ADCYAP1R1: variants seen among roughly 807,000 people sequenced by gnomAD.
ADCYAP1R1 encodes the protein ADCYAP receptor type I, also known as pituitary adenylate cyclase-activating polypeptide type I receptor.
A neutral mutation model predicts 67.6 loss-of-function variants in ADCYAP1R1; 44 were observed. That is an observed-to-expected ratio of 0.65 (90% CI 0.51 to 0.84). The LOEUF (loss-of-function observed/expected upper bound fraction) is 0.84, where lower values mean the gene tolerates loss of function less well. Among genes scored for constraint, ADCYAP1R1 ranks in the 40% least tolerant of loss-of-function variants. ADCYAP1R1 has a pLI of 0.00. For synonymous variants in ADCYAP1R1, 222 were observed against 219.6 expected, an observed-to-expected ratio of 1.01 and a Z score of -0.10; for missense variants, 477 against 587.9, an observed-to-expected ratio of 0.81 and a Z score of 1.95.
At chr7:31,092,378 C>T (rs118170544) in intron 12 of ADCYAP1R1, among the ~76,000 whole-genome samples, 1 of 151,984 alleles carries the variant, frequency 6.6e-6, no homozygotes, top group African/African-American at 2.4e-5. Flanking sequence ...TTCTCTTTCT[C>T]TTTTAGAAAT....
At chr7:31,075,273 C>T (rs1164690185) in intron 3 of ADCYAP1R1, among the ~76,000 whole-genome samples, 1 of 152,198 alleles carries the variant, frequency 6.6e-6, no homozygotes, top group Non-Finnish European at 1.5e-5. Context: ...TTGAATGAGC[C>T]TGGCTCTATT....
intron 13 of ADCYAP1R1, among the ~76,000 whole-genome samples, chr7:31,099,885 T>A (rs1261011950): frequency 2.0e-5 from 3 of 152,108 alleles, no homozygotes; most frequent in African/African-American, 4.8e-5. Flanking sequence ...CTAGCAGTGG[T>A]CCCAGTGTGA....
intron 3 of ADCYAP1R1, among the ~76,000 whole-genome samples, chr7:31,070,029 G>A (rs1034920958): frequency 6.6e-6 from 1 of 152,208 alleles, no homozygotes; most frequent in Non-Finnish European, 1.5e-5. Context: ...CAGAGGTGGT[G>A]GTCATTGGCC....
Position 31,111,318 on chromosome 7 carries a change from G to C in ADCYAP1R1, c.*4634G>C, listed in dbSNP as rs1796854266. 1 of 152,222 alleles carries C rather than the reference G, an allele frequency of 6.6e-6. No individual in the cohort carries two copies. The highest frequency in any genetic ancestry group is 1.5e-5 in the Non-Finnish European group (1 of 68,068). The allele number at this position is 152,222 out of a possible 1,614,324, so 9.4% of individuals were successfully genotyped here. A position where few individuals can be genotyped will look rare whatever the true frequency, so the allele number is the denominator to read the frequency against. ...GGTTCCTGCCTCACTTGTGGGAGCTGGACCAGCCTGGGTTTCATCTCCCAC... is the reference window on the plus strand; with the variant it reads ...GGTTCCTGCCTCACTTGTGGGAGCTCGACCAGCCTGGGTTTCATCTCCCAC... On this transcript the variant is annotated 3_prime_UTR_variant, in exon 16 of 16. Transcript: ENST00000304166.
chr7:31,063,297 TCTC>T lies in ADCYAP1R1; in HGVS notation c.39_41del (p.Leu15del). 6.2e-7 allele frequency: 1 copy of T among 1,614,094 alleles called. No individual in the cohort carries two copies. The highest frequency in any genetic ancestry group is 8.5e-7 in the Non-Finnish European group (1 of 1,180,010). On this transcript the variant is annotated inframe_deletion, in exon 2 of 16. Transcript: ENST00000304166. ...GTGTCGTGCACGTTTCCCTGGCTGC[TCTC>T]CTCCTGCTGCCTATGGTAAGGGCCC...
chr7:31,060,186 C>T (rs1243017340), intron 1 of ADCYAP1R1, among the ~76,000 whole-genome samples: 2 of 152,154 alleles, frequency 1.3e-5, no homozygotes, highest in Non-Finnish European at 2.9e-5. Flanking sequence ...GCTGCCCTTC[C>T]CACAGCAGGG....
chr7:31,097,078 A>G (rs892925729), intron 13 of ADCYAP1R1, among the ~76,000 whole-genome samples: 2 of 152,234 alleles, frequency 1.3e-5, no homozygotes, highest in Non-Finnish European at 2.9e-5. Context: ...GTGCTAAGAC[A>G]TGGAAATAGC....
chr7:31,090,572 C>T (rs1795925077), intron 12 of ADCYAP1R1, among the ~76,000 whole-genome samples: 1 of 152,190 alleles, frequency 6.6e-6, no homozygotes, highest in Non-Finnish European at 1.5e-5. Context: ...CCCCGATCCT[C>T]CCACCCTGTC....
At chr7:31,079,709 G>A (rs886499412) in intron 4 of ADCYAP1R1, among the ~76,000 whole-genome samples, 1 of 152,204 alleles carries the variant, frequency 6.6e-6, no homozygotes, top group African/African-American at 2.4e-5. Context: ...CCCACCCCAA[G>A]GTTTGTCTAA....
chr7:31,094,015 C>G (rs1427455582), intron 13 of ADCYAP1R1, among the ~76,000 whole-genome samples: 1 of 152,110 alleles, frequency 6.6e-6, no homozygotes, highest in East Asian at 1.9e-4. Flanking sequence ...GCCTGGGGAA[C>G]TCCCCATGTG....
Position 31,085,352 on chromosome 7 carries a change from T to C in ADCYAP1R1, c.579T>C (p.Phe193=). ...GCAACTTCATCCACATGAACCTGTT[T>C]GTGTCGTTCATGCTGAGGGCGATCT... The part of the protein sequence containing the change: ...CTRNFIHMNL[F]VSFMLRAISV... Residue 193 remains phenylalanine (F), a synonymous_variant, in exon 9 of 16, where the codon TTT becomes TTC. Transcript: ENST00000304166. 6.2e-7 allele frequency: 1 copy of C among 1,614,068 alleles called. No homozygotes were observed. Among genetic ancestry groups the C allele is most frequent in the Non-Finnish European group, 8.5e-7 (1 of 1,180,008 alleles).
rs1584474167 is a variant in ADCYAP1R1, at chr7:31,059,842, G to A, written c.-71-3352G>A. ...GGAGAGGCTGCGGGAGGTGATCCCT[G>A]AGGTCCCCAGCGGAGTCGAGGCCTG... On this transcript the variant is annotated intron_variant, in intron 1 of 15. Coordinates refer to ENST00000304166, the MANE Select transcript of ADCYAP1R1 (RefSeq NM_001118.5). Among the ~76,000 whole-genome samples, 3 of 152,028 alleles carry A rather than the reference G, an allele frequency of 2.0e-5. 1 individual carries two copies. The South Asian group carries it at 6.3e-4, about 32-fold the overall frequency.
chr7:31,083,714 A>C (rs1381908776), intron 6 of ADCYAP1R1, among the ~76,000 whole-genome samples: 3 of 152,130 alleles, frequency 2.0e-5, no homozygotes, highest in South Asian at 2.1e-4. Context: ...CCCTGCAGTC[A>C]CCAGAGGGGA....
In ADCYAP1R1 at chr7:31,092,950, G is replaced by A. The variant is rs185126871; in HGVS notation, c.1046+215G>A. On this transcript the variant is annotated intron_variant, in intron 13 of 15. Transcript: ENST00000304166. Reference sequence around the variant, plus strand: ...CAGCTGCATGGCCATCATATGGATGGGCAGGAAGAGAGAGAGAGAGAGAGA... The same window carrying A: ...CAGCTGCATGGCCATCATATGGATGAGCAGGAAGAGAGAGAGAGAGAGAGA... Among the ~76,000 whole-genome samples, 1,435 of 152,220 alleles carry A rather than the reference G, an allele frequency of 9.4e-3. 21 individuals carry two copies. Among genetic ancestry groups the A allele is most frequent in the African/African-American group, 0.033 (1,357 of 41,514 alleles).
At chr7:31,096,275 T>A (rs1796190391) in intron 13 of ADCYAP1R1, among the ~76,000 whole-genome samples, 1 of 151,966 alleles carries the variant, frequency 6.6e-6, no homozygotes, top group Non-Finnish European at 1.5e-5. Flanking sequence ...TCCCATGGGG[T>A]CTCCTTGGCC....
rs139388317 is a variant in ADCYAP1R1, at chr7:31,105,612, C to A, written c.1218+703C>A. ...GGAGTCTTTGCACCAGTGCTTGGGT[C>A]TTAGCTGCATCACCTTGGCAGGCTC... On this transcript the variant is annotated intron_variant, in intron 15 of 15. Coordinates refer to ENST00000304166, the MANE Select transcript of ADCYAP1R1 (RefSeq NM_001118.5). 6.9e-4 allele frequency among the ~76,000 whole-genome samples: 105 copies of A among 152,334 alleles called. 1 individual carries two copies. In the Middle Eastern group the frequency reaches 0.02, roughly 30 times the overall value.
intron 12 of ADCYAP1R1, among the ~76,000 whole-genome samples, chr7:31,089,224 T>C (rs984025839): frequency 1.3e-5 from 2 of 152,150 alleles, no homozygotes; most frequent in African/African-American, 2.4e-5. Flanking sequence ...AATTCTCTTA[T>C]TGGTTTTTAT....
Position 31,106,695 on chromosome 7 carries a change from C to A in ADCYAP1R1, c.*11C>A. The stretch of plus-strand genomic sequence containing the variant: ...AATCTGGCCACCTGAGCCATGCTCC[C>A]CTCCTCCTCCTCTCCTCCATCCACA... On this transcript the variant is annotated 3_prime_UTR_variant, in exon 16 of 16. Transcript: ENST00000304166. The A allele has an allele frequency of 6.3e-7, 1 of 1,575,726 alleles. No individual in the cohort carries two copies. The highest frequency in any genetic ancestry group is 1.4e-5 in the African/African-American group (1 of 73,962).
At position 31,085,410 on chromosome 7, in the gene ADCYAP1R1, G is replaced by C; in HGVS notation, c.637G>C (p.Glu213Gln). The stretch of plus-strand genomic sequence containing the variant: ...CATCAAAGACTGGATTCTGTATGCG[G>C]AGCAGGACAGCAACCACTGCTTCAT... Reference protein sequence around the residue: ...VFIKDWILYAEQDSNHCFIST... With the variant: ...VFIKDWILYAQQDSNHCFIST... Residue 213 changes from glutamate (E) to glutamine (Q), a missense_variant, in exon 9 of 16, where the codon GAG (glutamate) becomes CAG (glutamine). Glu to Gln is a conservative substitution (Grantham distance 29, BLOSUM62 2). Transcript: ENST00000304166. 1 of 1,613,716 alleles carries C rather than the reference G, an allele frequency of 6.2e-7. No homozygotes were observed. The highest frequency in any genetic ancestry group is 8.5e-7 in the Non-Finnish European group (1 of 1,180,008).
Sources: gnomAD v4.1 joint callset for allele counts (sites outside exome capture counted in the v4.1 genomes callset) on GRCh38, gnomAD v4.1.1 for gene constraint, MANE v1.5 for transcripts, NCBI Gene and HGNC (gene_info 2026-07-23, HGNC 2026-07-21) for gene names.